The following VPS33A variants were observed in gnomAD, a reference collection of about 807,000 sequenced individuals.
VPS33A encodes vacuolar protein sorting-associated protein 33A.
Under a neutral mutation model 71.8 loss-of-function variants are expected in VPS33A, and 32 were observed. The observed-to-expected ratio is 0.45, with a 90% CI of 0.34 to 0.60. The LOEUF is 0.60. VPS33A is among the 20% of genes least tolerant of loss of function. VPS33A has a pLI of 0.02. For synonymous variants in VPS33A, 311 were observed against 292.7 expected (o/e 1.06, Z -0.64); for missense variants, 625 against 748.5 (o/e 0.84, Z 1.92).
At chr12:122,246,607 G>GT (rs1032272560) in intron 6 of VPS33A, among the ~76,000 whole-genome samples, 1 of 132,522 alleles carries the variant, frequency 7.5e-6, no homozygotes, top group African/African-American at 2.6e-5. Flanking sequence ...CCACTTTTTG[G>GT]TTTTTTAATT....
chr12:122,236,527 CT>C (rs1655664211), intron 10 of VPS33A, among the ~76,000 whole-genome samples: 1 of 152,144 alleles, frequency 6.6e-6, no homozygotes, highest in Non-Finnish European at 1.5e-5. Flanking sequence ...GTAATCCCAG[CT>C]ACTCGGGAGG....
chr12:122,262,428 A>G (rs915122098), intron 3 of VPS33A, among the ~76,000 whole-genome samples: 1 of 152,232 alleles, frequency 6.6e-6, no homozygotes, highest in East Asian at 1.9e-4. Context: ...GTCTTAAATT[A>G]AAATGAAAGA....
chr12:122,256,376 C>G (rs1954919139), intron 4 of VPS33A, among the ~76,000 whole-genome samples: 1 of 151,874 alleles, frequency 6.6e-6, no homozygotes, highest in South Asian at 2.1e-4. Flanking sequence ...GAGTTCGAGA[C>G]CAGCCTGGCC....
At chr12:122,234,322 T>C (rs1423210788) in intron 11 of VPS33A, among the ~76,000 whole-genome samples, 1 of 152,068 alleles carries the variant, frequency 6.6e-6, no homozygotes, top group African/African-American at 2.4e-5. Context: ...CTGTCGCCCA[T>C]GCTGGAGTGC....
chr12:122,249,680 C>T, intron 6 of VPS33A, 191 bp downstream of exon 6: 1 of 450,432 alleles, frequency 2.2e-6, no homozygotes, highest in Non-Finnish European at 3.7e-6. Flanking sequence ...TTTCTTTGGC[C>T]AAGGGTTAGA....
At chr12:122,247,444 C>T (rs2136135232) in intron 6 of VPS33A, among the ~76,000 whole-genome samples, 1 of 152,186 alleles carries the variant, frequency 6.6e-6, no homozygotes, top group East Asian at 1.9e-4. Flanking sequence ...ATAGGGCTCT[C>T]CTGAAATAAA....
chr12:122,251,189 A>G (rs1409946912), intron 4 of VPS33A, 90 bp from the exon 5 acceptor site: 2 of 842,888 alleles, frequency 2.4e-6, no homozygotes, highest in South Asian at 1.5e-5. Flanking sequence ...GCGACAGACA[A>G]TAAAATCATT....
intron 6 of VPS33A, among the ~76,000 whole-genome samples, chr12:122,247,740 C>G (rs1954793868): frequency 6.6e-6 from 1 of 152,096 alleles, no homozygotes; most frequent in Non-Finnish European, 1.5e-5. Context: ...TAGTTCCACA[C>G]TTTTTTATCC....
At chr12:122,260,675 C>T (rs922107079) in intron 4 of VPS33A, among the ~76,000 whole-genome samples, 1 of 152,114 alleles carries the variant, frequency 6.6e-6, no homozygotes, top group African/African-American at 2.4e-5. Context: ...GAAGTGTCTA[C>T]ATGATAAAAG....
At position 122,261,294 on chromosome 12, in the gene VPS33A, A is replaced by T; in HGVS notation, c.450T>A (p.Asp150Glu). The T allele has an allele frequency of 6.2e-7, 1 of 1,609,734 alleles. No homozygotes were observed. The highest frequency in any genetic ancestry group is 8.5e-7 in the Non-Finnish European group (1 of 1,178,780). The change falls in exon 4 of 13, where the codon GAT (aspartate) becomes GAA (glutamate). Residue 150 changes from aspartate to glutamate, a missense_variant. Coordinates refer to ENST00000267199, the MANE Select transcript of VPS33A (RefSeq NM_022916.6). ...CACCCTCTGATTCCATGGATAAGAGATCCCCATCGAATGGAATGAGATCTA... is the reference window on the plus strand; with the variant it reads ...CACCCTCTGATTCCATGGATAAGAGTTCCCCATCGAATGGAATGAGATCTA... ...YSLDLIPFDG[D>E]LLSMESEGAF... is the part of the protein sequence containing the mutation.
At chr12:122,244,875 C>T (rs73219899) in intron 6 of VPS33A, 113 bp from the exon 7 acceptor site, 222 of 983,486 alleles carry the variant, frequency 2.3e-4, no homozygotes, top group African/African-American at 1.9e-3. Context: ...AGACGGCAAA[C>T]GACACATAGC....
intron 11 of VPS33A, among the ~76,000 whole-genome samples, chr12:122,234,317 G>A (rs553499675): frequency 2.6e-5 from 4 of 151,380 alleles, no homozygotes; most frequent in Middle Eastern, 3.4e-3. Context: ...TCATTCTGTC[G>A]CCCATGCTGG....
At chr12:122,250,172 A>C in intron 5 of VPS33A, 127 bp from the exon 6 acceptor site, 3 of 1,023,786 alleles carry the variant, frequency 2.9e-6, no homozygotes, top group Non-Finnish European at 4.1e-6. Flanking sequence ...CATTGCTTAG[A>C]AATAAGCAGC....
At chr12:122,244,458 G>T in intron 7 of VPS33A, 111 bp downstream of exon 7, 2 of 913,686 alleles carry the variant, frequency 2.2e-6, no homozygotes, top group Non-Finnish European at 1.6e-6. Context: ...GAGAAAAGTT[G>T]CATTGAAGCC....
At chr12:122,242,337 T>C in intron 8 of VPS33A, 45 bp downstream of exon 8, 1 of 1,594,448 alleles carries the variant, frequency 6.3e-7, no homozygotes, top group Non-Finnish European at 8.6e-7. Flanking sequence ...ACGTTGTATG[T>C]GCAAGTAGCC....
chr12:122,232,772 T>C (rs1350492665), intron 12 of VPS33A, 28 bp downstream of exon 12: 28 of 1,597,178 alleles, frequency 1.8e-5, no homozygotes, highest in Non-Finnish European at 2.4e-5. Flanking sequence ...AGTACATAAT[T>C]ATCTGTAGAT....
chr12:122,239,223 T>G (rs777917065), intron 9 of VPS33A, among the ~76,000 whole-genome samples: 7 of 152,158 alleles, frequency 4.6e-5, no homozygotes, highest in Non-Finnish European at 7.4e-5. Context: ...TTTCATAAAG[T>G]GAATAATTTA....
chr12:122,266,473 G>A lies in VPS33A; in HGVS notation c.-65C>T, dbSNP rs1054939656. On this transcript the variant is annotated 5_prime_UTR_variant, in exon 1 of 13. Transcript: ENST00000267199. ...CCGCCGGTTCCTACGGGAGGACCAC[G>A]GACGCAGTCACGTGACCAAACGTCC... is the stretch of plus-strand genomic sequence containing the variant. 4.5e-6 allele frequency: 7 copies of A among 1,569,486 alleles called. No individual in the cohort carries two copies. The highest frequency in any genetic ancestry group is 2.3e-5 in the East Asian group (1 of 42,652).
intron 1 of VPS33A, 121 bp from the exon 2 acceptor site, chr12:122,264,320 C>A: frequency 1.6e-6 from 1 of 628,752 alleles, no homozygotes; most frequent in East Asian, 3.1e-5. Context: ...AAATTTTATC[C>A]TAGTGTTACA....
Sources: gnomAD v4.1 joint callset for allele counts (sites outside exome capture counted in the v4.1 genomes callset) on GRCh38, gnomAD v4.1.1 for gene constraint, MANE v1.5 for transcripts, NCBI Gene and HGNC (gene_info 2026-07-23, HGNC 2026-07-21) for gene names.